The following SIRT7 variants were observed in gnomAD, a reference collection of about 807,000 sequenced individuals.
The protein encoded by SIRT7 is NAD-dependent protein deacetylase sirtuin-7.
A neutral mutation model predicts 42.8 loss-of-function variants in SIRT7; 32 were observed. The ratio of observed to expected loss-of-function variants is 0.75; its 90% confidence interval spans 0.56 to 1.00. The LOEUF is 1.00. Ranked by LOEUF, SIRT7 falls within the 50% of genes least tolerant of loss-of-function variation. The pLI, the probability that SIRT7 is intolerant of heterozygous loss-of-function variation, is 0.00. For synonymous variants in SIRT7, 297 were observed against 245.2 expected, an observed-to-expected ratio of 1.21 and a Z score of -1.97; for missense variants, 553 against 572.2, an observed-to-expected ratio of 0.97 and a Z score of 0.34.
In SIRT7 at chr17:81,914,689, A is replaced by G. The variant is rs767862005; in HGVS notation, c.494T>C (p.Val165Ala). The change falls in exon 6 of 10, where the codon GTG (valine) becomes GCG (alanine). Residue 165 changes from valine to alanine, a missense_variant. By Grantham distance (64) the Val-to-Ala change is moderately conservative. Transcript: ENST00000328666. ...GTGGAGCCCGTCACAGTTCTGAGAC[A>G]CCACATGCTGCACCTGGAAGGCAGA... ...LHEQKLVQHV[V>A]SQNCDGLHLR... 1.2e-6 allele frequency: 2 copies of G among 1,612,670 alleles called. No homozygotes were observed. Among genetic ancestry groups the G allele is most frequent in the South Asian group, 1.1e-5 (1 of 91,076 alleles).
At position 81,912,316 on chromosome 17, in the gene SIRT7, C is replaced by T. The variant is rs1307738922; in HGVS notation, c.*100G>A. 12 of 1,424,592 alleles carry T rather than the reference C, an allele frequency of 8.4e-6. No individual in the cohort carries two copies. The highest frequency in any genetic ancestry group is 1.4e-5 in the African/African-American group (1 of 71,176). 88.2% of individuals were successfully genotyped at this position (1,424,592 alleles called of 1,614,324 possible). ...AAAATGTCACGGTGAAAATGTCATC[C>T]CCAAAGAGTTCGTTCTCCCTAGACC... On this transcript the variant is annotated 3_prime_UTR_variant, in exon 10 of 10. Coordinates refer to ENST00000328666, the MANE Select transcript of SIRT7 (RefSeq NM_016538.3).
Position 81,918,048 on chromosome 17 carries a change from G to C in SIRT7, c.84C>G (p.Arg28=), listed in dbSNP as rs752939936. ...AGCGGCGGCGGCGTACCTGGCGGAG[G>C]CGCTCCCTCTGCTGCTCCTCCCGCA... ...RRLREEQQRE[R]LRQVSRILRK... Residue 28 remains arginine (R), a synonymous_variant, in exon 1 of 10, where the codon CGC becomes CGG. Coordinates refer to ENST00000328666, the MANE Select transcript of SIRT7 (RefSeq NM_016538.3). 6.6e-7 allele frequency: 1 copy of C among 1,511,420 alleles called. No individual in the cohort carries two copies. The highest frequency in any genetic ancestry group is 1.4e-5 in the African/African-American group (1 of 69,758). 93.6% of individuals were successfully genotyped at this position (1,511,420 alleles called of 1,614,324 possible). A position where few individuals can be genotyped will look rare whatever the true frequency, so the allele number is the denominator to read the frequency against.
intron 3 of SIRT7, 144 bp downstream of exon 3, chr17:81,917,471 G>T: frequency 1.5e-6 from 1 of 682,400 alleles, no homozygotes; most frequent in Non-Finnish European, 2.2e-6. Context: ...GAGGCCAAGC[G>T]TTTAAAAAGC....
Position 81,914,351 on chromosome 17 carries a change from C to T in SIRT7, c.759G>A (p.Ala253=), listed in dbSNP as rs773663162. The change falls in exon 7 of 10, where the codon GCG becomes GCA. Residue 253 remains alanine, a synonymous_variant. Transcript: ENST00000328666. ...CTGCTCTGCTGGCAGCCTCGGTCGC[C>T]GCTTCCCAGTTCAAAGGCTGCCCCA... The part of the protein sequence containing the change: ...GTLGQPLNWE[A]ATEAASRADT... 4.1e-5 allele frequency: 66 copies of T among 1,612,860 alleles called. 1 individual carries two copies. In the Middle Eastern group the frequency reaches 4.9e-4, roughly 12 times the overall value.
chr17:81,913,692 C>T lies in SIRT7; in HGVS notation c.1004+82G>A, dbSNP rs115518439. The T allele has an allele frequency of 1.9e-3, 2,276 of 1,221,300 alleles. 28 individuals carry two copies. In the African/African-American group the frequency reaches 0.031, roughly 17 times the overall value. 75.7% of individuals were successfully genotyped at this position (1,221,300 alleles called of 1,614,324 possible). On this transcript the variant is annotated intron_variant, in intron 9 of 9. Transcript: ENST00000328666. This position sits in a 1 kb window ranked among gnomAD's most constrained non-coding sequence, Gnocchi z 5.0. ...ACTGCAAACACCTCAGAGCTTCCTC[C>T]ACACTCAGCTCACGAGAGAAGACAG...
intron 3 of SIRT7, 185 bp downstream of exon 3, chr17:81,917,430 C>T (rs963119889): frequency 7.8e-6 from 4 of 511,436 alleles, no homozygotes; most frequent in Middle Eastern, 2.9e-4. Flanking sequence ...CGTATCTCTA[C>T]TCCTTGTTTT....
At chr17:81,915,791 C>CAACA in intron 3 of SIRT7, 110 bp from the exon 4 acceptor site, 5 of 1,244,116 alleles carry the variant, frequency 4.0e-6, no homozygotes, top group Non-Finnish European at 5.7e-6. Flanking sequence ...CCGGGCTGGC[C>CAACA]TGCATGTTGG....
chr17:81,912,195 GAC>G lies in SIRT7; in HGVS notation c.*219_*220del. On this transcript the variant is annotated 3_prime_UTR_variant, in exon 10 of 10. Transcript: ENST00000328666. The stretch of plus-strand genomic sequence containing the variant: ...CAGAAAGGTGCGGCTGCCACCTCTT[GAC>G]ACAGAGGCCGGATGGGCAGGTGTCC... The G allele has an allele frequency of 1.6e-6, 1 of 606,332 alleles. No individual in the cohort carries two copies. Among genetic ancestry groups the G allele is most frequent in the Non-Finnish European group, 2.9e-6 (1 of 344,536 alleles). The allele number at this position is 606,332 out of a possible 1,614,324, so 37.6% of individuals were successfully genotyped here.
intron 4 of SIRT7, 29 bp downstream of exon 4, chr17:81,915,580 CTA>C: frequency 5.0e-6 from 8 of 1,613,456 alleles, no homozygotes; most frequent in Non-Finnish European, 6.8e-6. Context: ...GCTGCCCAGC[CTA>C]TGTGGGAGGC....
chr17:81,914,176 G>C lies in SIRT7; in HGVS notation c.817-9C>G, dbSNP rs778670825. The C allele has an allele frequency of 7.4e-6, 12 of 1,613,520 alleles. No homozygotes were observed. Among genetic ancestry groups the C allele is most frequent in the Middle Eastern group, 1.6e-4 (1 of 6,084 alleles). The stretch of plus-strand genomic sequence containing the variant: ...GGGTACTTCTTTAGAACCTGTGGAA[G>C]CAGACAGACAGACACCGCACACACA... On this transcript the variant is annotated splice_polypyrimidine_tract_variant and intron_variant, in intron 7 of 9. Transcript: ENST00000328666.
intron 3 of SIRT7, 104 bp from the exon 4 acceptor site, chr17:81,915,785 G>A (rs2040786111): frequency 3.8e-6 from 5 of 1,304,098 alleles, no homozygotes; most frequent in Non-Finnish European, 4.3e-6. Flanking sequence ...CGCATTCCGG[G>A]CTGGCCTGCA....
At chr17:81,914,193 GCACA>G in intron 7 of SIRT7, 26 bp from the exon 8 acceptor site, 2 of 1,613,452 alleles carry the variant, frequency 1.2e-6, no homozygotes, top group Non-Finnish European at 1.7e-6. Flanking sequence ...GACAGACACC[GCACA>G]CACACAAGGG....
intron 3 of SIRT7, chr17:81,917,318 C>T (rs1386799503): frequency 6.6e-6 from 2 of 302,450 alleles, no homozygotes; most frequent in Non-Finnish European, 1.2e-5. Flanking sequence ...TACTTATCTT[C>T]CCTCGACATG....
Position 81,917,954 on chromosome 17 carries a change from A to G in SIRT7, c.107T>C (p.Leu36Pro). The G allele has an allele frequency of 7.3e-7, 1 of 1,365,584 alleles. No homozygotes were observed. Among genetic ancestry groups the G allele is most frequent in the Non-Finnish European group, 9.4e-7 (1 of 1,063,784 alleles). The allele number at this position is 1,365,584 out of a possible 1,614,324, so 84.6% of individuals were successfully genotyped here. A position where few individuals can be genotyped will look rare whatever the true frequency, so the allele number is the denominator to read the frequency against. Residue 36 changes from leucine to proline, a missense_variant, in exon 2 of 10, where the codon CTG becomes CCG. Coordinates refer to ENST00000328666, the MANE Select transcript of SIRT7 (RefSeq NM_016538.3). Reference sequence around the variant, plus strand: ...GCTGCGCTCCGCCGCCGCCTTCCTCAGGATGCGCGACACCTGCGGGCAGGC... The same window carrying G: ...GCTGCGCTCCGCCGCCGCCTTCCTCGGGATGCGCGACACCTGCGGGCAGGC... ...RERLRQVSRI[L>P]RKAAAERSAE...
Position 81,913,906 on chromosome 17 carries a change from A to G in SIRT7, c.898-26T>C, listed in dbSNP as rs367775548. 3 of 1,548,024 alleles carry G rather than the reference A, an allele frequency of 1.9e-6. No homozygotes were observed. The highest frequency in any genetic ancestry group is 2.6e-6 in the Non-Finnish European group (3 of 1,144,702). ...CTGAGGACAGGGAAAGCCGAGTGAG[A>G]GTAACAGCAGCCCAACCCTTCCCGG... On this transcript the variant is annotated intron_variant, in intron 8 of 9. Coordinates refer to ENST00000328666, the MANE Select transcript of SIRT7 (RefSeq NM_016538.3). The surrounding 1 kb of genome is among the most constrained non-coding windows in gnomAD (Gnocchi z 5.0).
chr17:81,915,514 T>C lies in SIRT7; in HGVS notation c.408-2A>G. 6.2e-7 allele frequency: 1 copy of C among 1,613,652 alleles called. No homozygotes were observed. The highest frequency in any genetic ancestry group is 8.5e-7 in the Non-Finnish European group (1 of 1,179,902). On this transcript the variant is annotated splice_acceptor_variant, in intron 4 of 9. Transcript: ENST00000328666. LOFTEE classifies it high-confidence loss of function. Reference sequence around the variant, plus strand: ...TCGGCCTCGCTCAGGTCGGCAGCACTGCCAGGCAGAAAGGAAGGCAAGGTG... The same window carrying C: ...TCGGCCTCGCTCAGGTCGGCAGCACCGCCAGGCAGAAAGGAAGGCAAGGTG...
chr17:81,915,891 C>T, intron 3 of SIRT7: 2 of 586,404 alleles, frequency 3.4e-6, no homozygotes. Flanking sequence ...TTCCGTTTCC[C>T]GCCTGGCCTG....
chr17:81,918,103 T>C lies in SIRT7; in HGVS notation c.29A>G (p.Glu10Gly). Residue 10 changes from glutamate (E) to glycine (G), a missense_variant, in exon 1 of 10, where the codon GAG becomes GGG. By Grantham distance (98) the Glu-to-Gly change is moderately conservative. Coordinates refer to ENST00000328666, the MANE Select transcript of SIRT7 (RefSeq NM_016538.3). Reference protein sequence around the residue: MAAGGLSRSERKAAERVRRL... With the variant: MAAGGLSRSGRKAAERVRRL... ...CCGGACCCGCTCCGCCGCTTTGCGC[T>C]CGGAGCGGCTCAGACCCCCGGCTGC... The C allele has an allele frequency of 6.4e-7, 1 of 1,551,578 alleles. No individual in the cohort carries two copies. The highest frequency in any genetic ancestry group is 8.6e-7 in the Non-Finnish European group (1 of 1,160,042).
intron 3 of SIRT7, chr17:81,916,461 T>A (rs1036469576): frequency 3.4e-5 from 4 of 117,988 alleles, no homozygotes; most frequent in Admixed American, 3.2e-4. Context: ...ATGACTGGAC[T>A]TTTTTTTTTT....
Sources: gnomAD v4.1 joint callset for allele counts on GRCh38, gnomAD v4.1.1 for gene constraint, Gnocchi (gnomAD v3.1) non-coding constraint, MANE v1.5 for transcripts, NCBI Gene and HGNC (gene_info 2026-07-23, HGNC 2026-07-21) for gene names.